The following ZFPM1 variants were observed in gnomAD, a reference collection of about 807,000 sequenced individuals.
ZFPM1 encodes zinc finger protein ZFPM1.
Under a neutral mutation model 46.3 loss-of-function variants are expected in ZFPM1, and 28 were observed. That is an observed-to-expected ratio of 0.60 (90% CI 0.45 to 0.83). The LOEUF (loss-of-function observed/expected upper bound fraction) is 0.83. ZFPM1 is among the 40% of genes least tolerant of loss of function. ZFPM1 has a pLI of 0.00. For missense variants in ZFPM1, 1,878 were observed against 1,432.4 expected, an observed-to-expected ratio of 1.31 and a Z score of -5.02; for synonymous variants, 957 against 675.9, an observed-to-expected ratio of 1.42 and a Z score of -6.45.
rs1396095543 is a variant in ZFPM1 at position 88,536,987 on chromosome 16, G to C, written c.*2008G>C. 1.3e-5 allele frequency: 2 copies of C among 152,154 alleles called. No homozygotes were observed. Among genetic ancestry groups the C allele is most frequent in the African/African-American group, 2.4e-5 (1 of 41,418 alleles). The allele number at this position is 152,154 out of a possible 1,614,324, so 9.4% of individuals were successfully genotyped here. ...ACCTGGTGGGGGGTTGTCACTGTGT[G>C]TACATTTAAAAGTAAACTGTTTAAA... On this transcript the variant is annotated 3_prime_UTR_variant, in exon 10 of 10. Transcript: ENST00000319555.
chr16:88,526,468 CG>C (rs1475658153), intron 4 of ZFPM1, among the ~76,000 whole-genome samples: 6 of 152,198 alleles, frequency 3.9e-5, no homozygotes, highest in Admixed American at 3.9e-4. Context: ...TACGCAGACC[CG>C]GGTGTGAGTT....
chr16:88,534,898 C>T lies in ZFPM1; in HGVS notation c.2940C>T (p.Asn980=), dbSNP rs747468747. The T allele has an allele frequency of 1.9e-6, 3 of 1,566,136 alleles. No individual in the cohort carries two copies. Among genetic ancestry groups the T allele is most frequent in the Admixed American group, 1.8e-5 (1 of 54,550 alleles). ...NGNHRYCRLC[N]IKFSSLSTFI... is the part of the protein sequence containing the mutation. ...ACCACCGGTACTGCCGTCTTTGCAA[C>T]ATCAAGTTCAGCAGCCTGTCCACCT... is the stretch of plus-strand genomic sequence containing the variant. Residue 980 remains asparagine, a synonymous_variant, in exon 10 of 10, where the codon AAC becomes AAT. Transcript: ENST00000319555.
intron 1 of ZFPM1, among the ~76,000 whole-genome samples, chr16:88,470,320 G>A (rs948535019): frequency 6.6e-6 from 1 of 152,212 alleles, no homozygotes; most frequent in Non-Finnish European, 1.5e-5. Flanking sequence ...GGTGTCCCCT[G>A]TACTCTCCAA....
chr16:88,473,627 G>A (rs537770676), intron 1 of ZFPM1, among the ~76,000 whole-genome samples: 60 of 152,232 alleles, frequency 3.9e-4, no homozygotes, highest in Non-Finnish European at 4.1e-4. Flanking sequence ...GCTGCGCGGC[G>A]ATGGCTCCGT....
At chr16:88,525,363 A>G (rs1684387698) in intron 4 of ZFPM1, among the ~76,000 whole-genome samples, 1 of 152,196 alleles carries the variant, frequency 6.6e-6, no homozygotes, top group South Asian at 2.1e-4. Flanking sequence ...CCCTTGTACC[A>G]TGGCAGGGTT....
chr16:88,470,130 C>T (rs1908347068), intron 1 of ZFPM1, among the ~76,000 whole-genome samples: 1 of 152,202 alleles, frequency 6.6e-6, no homozygotes, highest in Non-Finnish European at 1.5e-5. Flanking sequence ...CCAGAGCCAG[C>T]ATTGTCCTGG....
At position 88,466,540 on chromosome 16, in the gene ZFPM1, C is replaced by T. The variant is rs1908142812; in HGVS notation, c.40+12862C>T. On this transcript the variant is annotated intron_variant, in intron 1 of 9. Coordinates refer to ENST00000319555, the MANE Select transcript of ZFPM1 (RefSeq NM_153813.3). ...GTACCTTTCAGGGAGAAAGGCCAAG[C>T]ACAGAAAGGGCAGGGGACGGCTGAG... Among the ~76,000 whole-genome samples, 3 of 152,202 alleles carry T rather than the reference C, an allele frequency of 2.0e-5. No individual in the cohort carries two copies. The South Asian group carries it at 6.2e-4, about 31-fold the overall frequency.
At chr16:88,481,304 C>G (rs1908924915) in intron 1 of ZFPM1, among the ~76,000 whole-genome samples, 1 of 152,192 alleles carries the variant, frequency 6.6e-6, no homozygotes, top group South Asian at 2.1e-4. Flanking sequence ...TGACATCACC[C>G]TCACTGCAGG....
chr16:88,534,630 A>G lies in ZFPM1; in HGVS notation c.2672A>G (p.Glu891Gly). ...GCGCCCCTGGCCGGCCCGGGGGTCGAGGCCCGGACGCCGGCCGACCGCGGC... is the reference window on the plus strand; with the variant it reads ...GCGCCCCTGGCCGGCCCGGGGGTCGGGGCCCGGACGCCGGCCGACCGCGGC... ...LGAPLAGPGV[E>G]ARTPADRGPS... Residue 891 changes from glutamate to glycine, a missense_variant, in exon 10 of 10, where the codon GAG (glutamate) becomes GGG (glycine). Transcript: ENST00000319555. The G allele has an allele frequency of 9.2e-7, 1 of 1,088,560 alleles. No homozygotes were observed. Among genetic ancestry groups the G allele is most frequent in the Non-Finnish European group, 1.1e-6 (1 of 898,378 alleles). 67.4% of individuals were successfully genotyped at this position (1,088,560 alleles called of 1,614,324 possible). A position where few individuals can be genotyped will look rare whatever the true frequency, so the allele number is the denominator to read the frequency against.
intron 3 of ZFPM1, among the ~76,000 whole-genome samples, chr16:88,498,500 C>T (rs1377514045): frequency 6.6e-6 from 1 of 152,228 alleles, no homozygotes; most frequent in African/African-American, 2.4e-5. Flanking sequence ...GAGGGACGTG[C>T]TCAGGCCAGC....
rs771043121 is a variant in ZFPM1 at position 88,518,529 on chromosome 16, AGATGGATGAGTGGATG to A, written c.402+4018_402+4033del. 6.2e-3 allele frequency among the ~76,000 whole-genome samples: 927 copies of A among 149,564 alleles called. 6 individuals are homozygous for A. Among genetic ancestry groups the A allele is most frequent in the African/African-American group, 0.021 (857 of 40,360 alleles). The stretch of plus-strand genomic sequence containing the variant: ...TGGATTGACAGCTGGGTGGATGGAT[AGATGGATGAGTGGATG>A]GATGGATGGATGGAAGGATGGATAG... On this transcript the variant is annotated intron_variant, in intron 4 of 9. Transcript: ENST00000319555.
chr16:88,485,515 C>G (rs34172030), intron 1 of ZFPM1, among the ~76,000 whole-genome samples: 3 of 151,398 alleles, frequency 2.0e-5, no homozygotes, highest in African/African-American at 4.9e-5. Flanking sequence ...TCGCGGCTCA[C>G]TGCAGCCTCC....
intron 3 of ZFPM1, among the ~76,000 whole-genome samples, chr16:88,490,185 C>T (rs1909481450): frequency 6.6e-6 from 1 of 152,108 alleles, no homozygotes; most frequent in African/African-American, 2.4e-5. Context: ...TCCCGAGTAG[C>T]TGGGACTACA....
Position 88,532,133 on chromosome 16 carries a change from C to A in ZFPM1, c.844C>A (p.Pro282Thr). The part of the protein sequence containing the change: ...SPAAAATDEK[P>T]KETYPNERVC... Reference sequence around the variant, plus strand: ...GGCCGCAGCCGCCACAGACGAGAAGCCCAAAGAGACCTACCCCAACGAGCG... The same window carrying A: ...GGCCGCAGCCGCCACAGACGAGAAGACCAAAGAGACCTACCCCAACGAGCG... Residue 282 changes from proline to threonine, a missense_variant, in exon 7 of 10, where the codon CCC (proline) becomes ACC (threonine). Transcript: ENST00000319555. 1 of 1,612,650 alleles carries A rather than the reference C, an allele frequency of 6.2e-7. No homozygotes were observed. The highest frequency in any genetic ancestry group is 8.5e-7 in the Non-Finnish European group (1 of 1,179,794).
Position 88,536,444 on chromosome 16 carries a change from G to A in ZFPM1, c.*1465G>A, listed in dbSNP as rs920270245. On this transcript the variant is annotated 3_prime_UTR_variant, in exon 10 of 10. Coordinates refer to ENST00000319555, the MANE Select transcript of ZFPM1 (RefSeq NM_153813.3). ...CAGCCTCAGCCTCCCAGAACATTAGGATGACAGGCGCGAGCTACCATTCCC... is the reference window on the plus strand; with the variant it reads ...CAGCCTCAGCCTCCCAGAACATTAGAATGACAGGCGCGAGCTACCATTCCC... 1.3e-5 allele frequency: 2 copies of A among 152,256 alleles called. No homozygotes were observed. Among genetic ancestry groups the A allele is most frequent in the South Asian group, 2.1e-4 (1 of 4,830 alleles). The allele number at this position is 152,256 out of a possible 1,614,324, so 9.4% of individuals were successfully genotyped here. A position where few individuals can be genotyped will look rare whatever the true frequency, so the allele number is the denominator to read the frequency against.
At chr16:88,455,243 C>T in intron 1 of ZFPM1, among the ~76,000 whole-genome samples, 1 of 152,050 alleles carries the variant, frequency 6.6e-6, no homozygotes, top group Non-Finnish European at 1.5e-5. Flanking sequence ...CGATCTCCAG[C>T]GCTGATAAGG....
chr16:88,529,878 A>G (rs1229770489), intron 6 of ZFPM1, among the ~76,000 whole-genome samples: 1 of 152,098 alleles, frequency 6.6e-6, no homozygotes, highest in Non-Finnish European at 1.5e-5. Flanking sequence ...ATAATAGCCC[A>G]TGTTATGTGC....
chr16:88,532,384 G>A, intron 7 of ZFPM1, 149 bp downstream of exon 7: 2 of 950,502 alleles, frequency 2.1e-6, no homozygotes, highest in Non-Finnish European at 3.1e-6. Flanking sequence ...CCCCGCAGGG[G>A]CCCAGAGCAG....
chr16:88,472,850 AG>A (rs1263250876), intron 1 of ZFPM1, among the ~76,000 whole-genome samples: 1 of 152,190 alleles, frequency 6.6e-6, no homozygotes, highest in Non-Finnish European at 1.5e-5. Context: ...CCAGCATCCT[AG>A]GCTCCGCCTC....
Sources: allele counts gnomAD v4.1 joint callset (sites outside exome capture counted in the v4.1 genomes callset), GRCh38; gene constraint gnomAD v4.1.1; transcripts MANE v1.5; gene names NCBI Gene and HGNC (gene_info 2026-07-23, HGNC 2026-07-21).